EXOSC5: variants seen among roughly 807,000 people sequenced by gnomAD.
The protein encoded by EXOSC5 is exosome complex component RRP46.
A neutral mutation model predicts 23.7 loss-of-function variants in EXOSC5; 15 were observed. That is an observed-to-expected ratio of 0.63 (90% CI 0.42 to 0.97). The LOEUF (loss-of-function observed/expected upper bound fraction) is 0.97. Ranked by LOEUF, EXOSC5 falls within the 50% of genes least tolerant of loss-of-function variation. The probability of loss-of-function intolerance (pLI) is 0.00; values close to 1 mark genes in which losing one functional copy is unlikely to be tolerated. For missense variants in EXOSC5, 305 were observed against 316.3 expected (o/e 0.96, Z 0.27); for synonymous variants, 143 against 140.9 (o/e 1.02, Z -0.11).
At chr19:41,396,295 T>C (rs1047144385) in intron 1 of EXOSC5, among the ~76,000 whole-genome samples, 1 of 152,094 alleles carries the variant, frequency 6.6e-6, no homozygotes, top group Admixed American at 6.6e-5. Context: ...CTGCAACTTC[T>C]GCCTCCCAGG....
rs570472152 is a variant in EXOSC5, at chr19:41,390,094, G to A, written c.385-189C>T. Among the ~76,000 whole-genome samples the A allele has an allele frequency of 3.3e-5, 5 of 152,098 alleles. No homozygotes were observed. In the South Asian group the frequency reaches 6.2e-4, roughly 19 times the overall value. Reference sequence around the variant, plus strand: ...ATTACAGGCACCCACCACCACACCCGGCTAATCTTTGTATTTTTAGTAGAG... The same window carrying A: ...ATTACAGGCACCCACCACCACACCCAGCTAATCTTTGTATTTTTAGTAGAG... On this transcript the variant is annotated intron_variant, in intron 3 of 5. Transcript: ENST00000221233.
intron 1 of EXOSC5, among the ~76,000 whole-genome samples, chr19:41,396,419 A>C (rs918263207): frequency 2.0e-5 from 3 of 152,124 alleles, no homozygotes; most frequent in Non-Finnish European, 4.4e-5. Context: ...CATGTTGGCC[A>C]GGCTGGTCTC....
chr19:41,395,356 C>T (rs10422956), intron 1 of EXOSC5, among the ~76,000 whole-genome samples: 99,581 of 152,024 alleles, frequency 0.66, 33,757 homozygotes, highest in African/African-American at 0.83. Flanking sequence ...GTGTTTTGCC[C>T]GAGCACAAGA....
chr19:41,392,691 CAGAG>C (rs1278780872), intron 2 of EXOSC5, among the ~76,000 whole-genome samples, 172 bp downstream of exon 2: 1 of 151,876 alleles, frequency 6.6e-6, no homozygotes, highest in Non-Finnish European at 1.5e-5. Context: ...AAATTAGAGG[CAGAG>C]AGAGAAGCAA....
intron 1 of EXOSC5, among the ~76,000 whole-genome samples, chr19:41,393,662 CA>C (rs2039041344): frequency 1.3e-5 from 2 of 152,040 alleles, no homozygotes; most frequent in East Asian, 3.9e-4. Flanking sequence ...CGGGTTCAAG[CA>C]GTTCTCCTGC....
intron 1 of EXOSC5, among the ~76,000 whole-genome samples, chr19:41,395,693 T>TC (rs1246464588): frequency 6.6e-6 from 1 of 152,172 alleles, no homozygotes; most frequent in African/African-American, 2.4e-5. Context: ...CTCTGGGCGT[T>TC]CCTTCTGAGT....
At chr19:41,396,359 G>A (rs1034391030) in intron 1 of EXOSC5, among the ~76,000 whole-genome samples, 28 of 152,050 alleles carry the variant, frequency 1.8e-4, no homozygotes, top group African/African-American at 5.6e-4. Context: ...ACAGGCGCCC[G>A]CCACCATGCC....
chr19:41,390,390 C>T (rs1005401146), intron 3 of EXOSC5, among the ~76,000 whole-genome samples: 2 of 152,170 alleles, frequency 1.3e-5, no homozygotes, highest in Admixed American at 1.3e-4. Context: ...GGGTTCCAGA[C>T]CTAGTTTTGC....
At chr19:41,391,772 T>C in intron 3 of EXOSC5, 69 bp downstream of exon 3, 1 of 1,455,610 alleles carries the variant, frequency 6.9e-7, no homozygotes, top group Non-Finnish European at 9.0e-7. Flanking sequence ...GCAGTGAGGG[T>C]ATATGTATCC....
At chr19:41,396,203 C>T (rs148935811) in intron 1 of EXOSC5, among the ~76,000 whole-genome samples, 5 of 151,606 alleles carry the variant, frequency 3.3e-5, no homozygotes, top group East Asian at 3.9e-4. Flanking sequence ...CATCGTGAGA[C>T]GCTGTCTCAA....
rs553502101 is a variant in EXOSC5, at chr19:41,392,786, C to T, written c.262+81G>A. On this transcript the variant is annotated intron_variant, in intron 2 of 5. Transcript: ENST00000221233. ...GAGACCCAAGCGGGGAGTGGAGACT[C>T]GGGGCAGCTGGTAGGGAGGAGCTGG... The T allele has an allele frequency of 1.2e-4, 154 of 1,281,340 alleles. 1 individual carries two copies. The East Asian group carries it at 2.6e-3, about 22-fold the overall frequency. The allele number at this position is 1,281,340 out of a possible 1,614,324, so 79.4% of individuals were successfully genotyped here. A position where few individuals can be genotyped will look rare whatever the true frequency, so the allele number is the denominator to read the frequency against.
intron 5 of EXOSC5, 119 bp from the exon 6 acceptor site, chr19:41,386,844 C>T: frequency 1.3e-6 from 1 of 767,602 alleles, no homozygotes; most frequent in Non-Finnish European, 2.1e-6. Flanking sequence ...CACTCCCCTG[C>T]CCCCAAGTGA....
chr19:41,387,824 G>C (rs923831910), intron 4 of EXOSC5, among the ~76,000 whole-genome samples: 1 of 151,306 alleles, frequency 6.6e-6, no homozygotes, highest in Non-Finnish European at 1.5e-5. Context: ...AGCTGGGTGT[G>C]GGGGTGCATG....
chr19:41,393,996 G>T (rs2039043632), intron 1 of EXOSC5, among the ~76,000 whole-genome samples: 1 of 152,130 alleles, frequency 6.6e-6, no homozygotes, highest in East Asian at 1.9e-4. Context: ...GCATCAGTCT[G>T]GACACCTGAG....
Position 41,397,271 on chromosome 19 carries a change from T to C in EXOSC5, c.58A>G (p.Ser20Gly). ...AGGCTGCAGCCAGGACCCCGAGGGC[T>C]GGACCCTGTTCCATTTTCAGCACGG... ...KIRAENGTGS[S>G]PRGPGCSLRH... The change falls in exon 1 of 6, where the codon AGC (serine) becomes GGC (glycine). Residue 20 changes from serine (S) to glycine (G), a missense_variant. Ser to Gly is a moderately conservative substitution (Grantham distance 56). Coordinates refer to ENST00000221233, the MANE Select transcript of EXOSC5 (RefSeq NM_020158.4). 1 of 1,614,246 alleles carries C rather than the reference T, an allele frequency of 6.2e-7. No individual in the cohort carries two copies. Among genetic ancestry groups the C allele is most frequent in the Non-Finnish European group, 8.5e-7 (1 of 1,180,026 alleles).
Position 41,397,220 on chromosome 19 carries a change from G to C in EXOSC5, c.109C>G (p.Leu37Val), listed in dbSNP as rs745885660. Residue 37 changes from leucine to valine, a missense_variant, in exon 1 of 6, where the codon CTG becomes GTG. By Grantham distance (32) the Leu-to-Val change is conservative (BLOSUM62 1). Coordinates refer to ENST00000221233, the MANE Select transcript of EXOSC5 (RefSeq NM_020158.4). ...SLRHFACEQN[L>V]LSRPDGSASF... ...GCAGAGCCATCTGGCCGCGACAGCA[G>C]GTTCTGTTCGCAGGCAAAGTGCCGG... The C allele has an allele frequency of 6.2e-7, 1 of 1,614,206 alleles. No homozygotes were observed. The highest frequency in any genetic ancestry group is 8.5e-7 in the Non-Finnish European group (1 of 1,180,008).
Position 41,386,447 on chromosome 19 carries a change from G to A in EXOSC5, c.*186C>T. On this transcript the variant is annotated 3_prime_UTR_variant, in exon 6 of 6. Coordinates refer to ENST00000221233, the MANE Select transcript of EXOSC5 (RefSeq NM_020158.4). The stretch of plus-strand genomic sequence containing the variant: ...CTTTGAATGTTATCCTTGCTGGGGG[G>A]ATCTGTGCCCCCAGGCCTGGGGGCT... The A allele has an allele frequency of 1.8e-6, 1 of 564,442 alleles. No individual in the cohort carries two copies. The highest frequency in any genetic ancestry group is 3.2e-6 in the Non-Finnish European group (1 of 315,974). 35.0% of individuals were successfully genotyped at this position (564,442 alleles called of 1,614,324 possible).
At chr19:41,395,858 G>A (rs1347894858) in intron 1 of EXOSC5, among the ~76,000 whole-genome samples, 4 of 152,154 alleles carry the variant, frequency 2.6e-5, no homozygotes, top group Admixed American at 1.3e-4. Context: ...AATTGCCTAT[G>A]TCCAGCTTGG....
At chr19:41,390,291 G>A (rs1215174824) in intron 3 of EXOSC5, among the ~76,000 whole-genome samples, 1 of 152,142 alleles carries the variant, frequency 6.6e-6, no homozygotes, top group Non-Finnish European at 1.5e-5. Flanking sequence ...CCCTCCACCA[G>A]GCTGATGCCT....
Sources: gnomAD v4.1 joint callset for allele counts (sites outside exome capture counted in the v4.1 genomes callset) on GRCh38, gnomAD v4.1.1 for gene constraint, MANE v1.5 for transcripts, NCBI Gene and HGNC (gene_info 2026-07-23, HGNC 2026-07-21) for gene names.